The following UNC5D variants were observed in gnomAD, a reference collection of about 807,000 sequenced individuals.
UNC5D encodes the protein unc-5 netrin receptor D, also known as netrin receptor UNC5D.
A neutral mutation model predicts 105.4 loss-of-function variants in UNC5D; 39 were observed. That is an observed-to-expected ratio of 0.37 (90% confidence interval 0.29 to 0.48). UNC5D has a LOEUF of 0.48. Ranked by LOEUF, UNC5D falls within the 20% of genes least tolerant of loss-of-function variation. The pLI is 0.98. For synonymous variants in UNC5D, 452 were observed against 450.4 expected (o/e 1.00, Z -0.04); for missense variants, 991 against 1,202.4 (o/e 0.82, Z 2.60).
chr8:35,558,126 C>CAAAA (rs34368244), intron 2 of UNC5D, among the ~76,000 whole-genome samples: 86 of 84,138 alleles, frequency 1.0e-3, no homozygotes, highest in East Asian at 5.3e-3. Context: ...AACTTCGTCT[C>CAAAA]AAAAAAAAAA....
At chr8:35,442,904 T>TCTCTCACACACA (rs1246705327) in intron 1 of UNC5D, among the ~76,000 whole-genome samples, 6 of 141,358 alleles carry the variant, frequency 4.2e-5, no homozygotes, top group South Asian at 2.2e-4. Context: ...TCTCTCTCTC[T>TCTCTCACACACA]CACACACACA....
intron 1 of UNC5D, among the ~76,000 whole-genome samples, chr8:35,505,766 C>T (rs1016932758): frequency 1.3e-5 from 2 of 152,132 alleles, no homozygotes; most frequent in East Asian, 1.9e-4. Context: ...CCTATTTCCC[C>T]GCTTTGAGAT....
At chr8:35,447,638 C>A (rs570477756) in intron 1 of UNC5D, among the ~76,000 whole-genome samples, 3 of 152,212 alleles carry the variant, frequency 2.0e-5, no homozygotes, top group Admixed American at 6.6e-5. Flanking sequence ...GCCTGGCAGA[C>A]AATTGTGTCC....
chr8:35,573,553 C>T (rs1234327198), intron 3 of UNC5D, among the ~76,000 whole-genome samples: 1 of 152,170 alleles, frequency 6.6e-6, no homozygotes, highest in African/African-American at 2.4e-5. Context: ...AACTCTCACC[C>T]TGAGTGCTGT....
In UNC5D at chr8:35,356,046, G is replaced by A. The variant is rs186717417; in HGVS notation, c.103+120159G>A. 3.9e-5 allele frequency among the ~76,000 whole-genome samples: 6 copies of A among 152,268 alleles called. No homozygotes were observed. The East Asian group carries it at 1.2e-3, about 30-fold the overall frequency. On this transcript the variant is annotated intron_variant, in intron 1 of 16. Coordinates refer to ENST00000404895, the MANE Select transcript of UNC5D (RefSeq NM_080872.4). The stretch of plus-strand genomic sequence containing the variant: ...CAATTCTCCTGCCTCAGACTCTCAA[G>A]TAGCTGGGTTTATAGGAGTGTGCTA...
intron 7 of UNC5D, among the ~76,000 whole-genome samples, chr8:35,701,316 A>G (rs1827180226): frequency 6.6e-6 from 1 of 152,190 alleles, no homozygotes; most frequent in Non-Finnish European, 1.5e-5. Context: ...ACAGCTTTTG[A>G]GGAGCAGCCC....
At chr8:35,305,577 T>TTTTCTTTCTTTCTTTCTTTCTTTC (rs1179890296) in intron 1 of UNC5D, among the ~76,000 whole-genome samples, 152 of 54,006 alleles carry the variant, frequency 2.8e-3, no homozygotes, top group Middle Eastern at 9.4e-3. Flanking sequence ...CTTTCTTTCT[T>TTTTCTTTCTTTCTTTCTTTCTTTC]TTTCTTTCTT....
chr8:35,327,307 T>C (rs959734715), intron 1 of UNC5D, among the ~76,000 whole-genome samples: 1 of 152,174 alleles, frequency 6.6e-6, no homozygotes, highest in African/African-American at 2.4e-5. Flanking sequence ...CCTTTCCAAA[T>C]GATTATAAAG....
intron 4 of UNC5D, among the ~76,000 whole-genome samples, chr8:35,633,248 C>T (rs2131088620): frequency 6.6e-6 from 1 of 152,312 alleles, no homozygotes; most frequent in East Asian, 1.9e-4. Context: ...AAATCAGCAG[C>T]ATATCTCTAC....
At chr8:35,434,688 T>C (rs1004616929) in intron 1 of UNC5D, among the ~76,000 whole-genome samples, 5 of 152,162 alleles carry the variant, frequency 3.3e-5, no homozygotes, top group Non-Finnish European at 7.4e-5. Context: ...GAAGTGGTTT[T>C]CATATACCAT....
intron 1 of UNC5D, among the ~76,000 whole-genome samples, chr8:35,478,045 A>T (rs766952683): frequency 5.3e-5 from 8 of 152,122 alleles, no homozygotes; most frequent in Non-Finnish European, 8.8e-5. Flanking sequence ...TTAAGCAAAG[A>T]ATTGTGTGCA....
intron 2 of UNC5D, among the ~76,000 whole-genome samples, chr8:35,550,088 A>G (rs1325545204): frequency 6.6e-6 from 1 of 151,814 alleles, no homozygotes; most frequent in Non-Finnish European, 1.5e-5. Context: ...AATTTGGCTG[A>G]TAAGTGGTGA....
chr8:35,698,592 C>T (rs1826958578), intron 7 of UNC5D, among the ~76,000 whole-genome samples: 1 of 152,056 alleles, frequency 6.6e-6, no homozygotes. Flanking sequence ...GGCAGGATGT[C>T]CTTCTCTTTT....
intron 3 of UNC5D, among the ~76,000 whole-genome samples, chr8:35,591,114 T>A (rs1819140647): frequency 6.6e-6 from 1 of 152,186 alleles, no homozygotes; most frequent in South Asian, 2.1e-4. Context: ...GTTAGTTTAT[T>A]TTACAAGGTA....
chr8:35,491,107 G>A (rs1811188839), intron 1 of UNC5D, among the ~76,000 whole-genome samples: 1 of 151,868 alleles, frequency 6.6e-6, no homozygotes. Context: ...TACTTATTAA[G>A]GGTTTACCAT....
intron 1 of UNC5D, among the ~76,000 whole-genome samples, chr8:35,541,437 C>T (rs1035523436): frequency 3.9e-5 from 6 of 152,186 alleles, no homozygotes; most frequent in African/African-American, 1.4e-4. Context: ...TTAGCTCTAC[C>T]TAACTTTTCA....
chr8:35,387,128 A>AG (rs1013518982), intron 1 of UNC5D, among the ~76,000 whole-genome samples: 3 of 151,746 alleles, frequency 2.0e-5, no homozygotes, highest in South Asian at 2.1e-4. Context: ...TGGGAGGCCG[A>AG]GGGGGGCAGA....
chr8:35,428,483 G>A (rs533324644), intron 1 of UNC5D, among the ~76,000 whole-genome samples: 3 of 149,876 alleles, frequency 2.0e-5, no homozygotes, highest in Admixed American at 1.3e-4. Context: ...ACTGCCCCCC[G>A]GCCAAATCTA....
chr8:35,776,618 T>A (rs941098106), intron 16 of UNC5D, among the ~76,000 whole-genome samples: 7 of 152,180 alleles, frequency 4.6e-5, no homozygotes, highest in Non-Finnish European at 1.5e-5. Context: ...ATGTGGCTGA[T>A]GGTTTACTTG....
Sources: gnomAD v4.1 joint callset for allele counts (sites outside exome capture counted in the v4.1 genomes callset) on GRCh38, gnomAD v4.1.1 for gene constraint, MANE v1.5 for transcripts, NCBI Gene and HGNC (gene_info 2026-07-23, HGNC 2026-07-21) for gene names.